The following RALYL variants were observed in gnomAD, a reference collection of about 807,000 sequenced individuals.
RALYL encodes RALY RNA binding protein like.
In RALYL, 29 loss-of-function variants were observed where a neutral mutation model predicts 35.1. The observed-to-expected ratio is 0.83, with a 90% CI of 0.61 to 1.13. The LOEUF (loss-of-function observed/expected upper bound fraction) is 1.13. RALYL is among the 50% of genes most tolerant of loss of function. The pLI is 0.00. For synonymous variants in RALYL, 120 were observed against 127.6 expected, an observed-to-expected ratio of 0.94 and a Z score of 0.40; for missense variants, 359 against 360.4, an observed-to-expected ratio of 1.00 and a Z score of 0.03.
At chr8:84,513,893 C>T (rs1910439) in intron 1 of RALYL, among the ~76,000 whole-genome samples, 54,565 of 151,234 alleles carry the variant, frequency 0.36, 10,012 homozygotes, top group South Asian at 0.51. Flanking sequence ...GTCAGGAGTT[C>T]GAGACTAGCC....
chr8:84,186,711 T>A (rs1411322554), intron 1 of RALYL, among the ~76,000 whole-genome samples: 2 of 152,188 alleles, frequency 1.3e-5, no homozygotes, highest in African/African-American at 4.8e-5. Context: ...TTCTGTAACT[T>A]AAGATCATTC....
intron 1 of RALYL, among the ~76,000 whole-genome samples, chr8:84,428,463 G>T (rs547025177): frequency 2.6e-5 from 4 of 152,028 alleles, no homozygotes; most frequent in Admixed American, 6.6e-5. Context: ...TATTTTTCTT[G>T]AGTAGGGTTG....
intron 2 of RALYL, among the ~76,000 whole-genome samples, chr8:84,721,849 C>T (rs1018663475): frequency 2.6e-5 from 4 of 152,116 alleles, no homozygotes; most frequent in African/African-American, 9.7e-5. Context: ...GGTCATATAA[C>T]ATAATGCACA....
chr8:84,432,376 G>A (rs1001898163), intron 1 of RALYL, among the ~76,000 whole-genome samples: 14 of 152,094 alleles, frequency 9.2e-5, no homozygotes, highest in African/African-American at 3.4e-4. Context: ...AGGAGTTGAG[G>A]GGAGGGGAGA....
intron 1 of RALYL, among the ~76,000 whole-genome samples, chr8:84,229,761 A>G (rs573132506): frequency 1.3e-5 from 2 of 152,322 alleles, no homozygotes; most frequent in East Asian, 1.9e-4. Context: ...CTTCTTGCCC[A>G]ATTTCTCATT....
intron 1 of RALYL, among the ~76,000 whole-genome samples, chr8:84,243,266 T>TTTG (rs928934847): frequency 3.9e-5 from 6 of 152,010 alleles, no homozygotes; most frequent in Non-Finnish European, 5.9e-5. Context: ...CCAGCGTGTT[T>TTTG]TTGTTGTTGT....
intron 1 of RALYL, among the ~76,000 whole-genome samples, chr8:84,395,067 A>G (rs1326581856): frequency 6.6e-6 from 1 of 151,908 alleles, no homozygotes; most frequent in Non-Finnish European, 1.5e-5. Flanking sequence ...AGAAGAAAAT[A>G]AATATTACCA....
At chr8:84,693,459 A>G (rs1004636859) in intron 2 of RALYL, among the ~76,000 whole-genome samples, 2 of 152,004 alleles carry the variant, frequency 1.3e-5, no homozygotes, top group African/African-American at 2.4e-5. Flanking sequence ...TAACTGCCCC[A>G]TGATTCAATT....
At chr8:84,889,819 C>A (rs1232573993) in intron 8 of RALYL, among the ~76,000 whole-genome samples, 1 of 152,056 alleles carries the variant, frequency 6.6e-6, no homozygotes, top group Non-Finnish European at 1.5e-5. Flanking sequence ...GTTATTAAAA[C>A]CAAAGACTAA....
chr8:84,626,200 A>G (rs965173716), intron 2 of RALYL, among the ~76,000 whole-genome samples: 7 of 152,198 alleles, frequency 4.6e-5, no homozygotes, highest in Admixed American at 1.3e-4. Context: ...GAGAACACTT[A>G]ATAAGAGCGG....
intron 1 of RALYL, among the ~76,000 whole-genome samples, chr8:84,511,185 A>C: frequency 6.6e-6 from 1 of 152,192 alleles, no homozygotes; most frequent in East Asian, 1.9e-4. Flanking sequence ...TACCATGGGA[A>C]ATAGCAAGCA....
intron 1 of RALYL, among the ~76,000 whole-genome samples, chr8:84,301,231 AT>A (rs1840717496): frequency 6.6e-6 from 1 of 151,942 alleles, no homozygotes. Flanking sequence ...CACTTGTAGG[AT>A]TCCTGATGAA....
chr8:84,438,361 G>GT (rs1233469543), intron 1 of RALYL, among the ~76,000 whole-genome samples: 1 of 150,082 alleles, frequency 6.7e-6, no homozygotes, highest in Non-Finnish European at 1.5e-5. Flanking sequence ...TGTTTTCTAG[G>GT]TTTTCTTCTA....
intron 2 of RALYL, among the ~76,000 whole-genome samples, chr8:84,720,172 A>G (rs1589186099): frequency 6.6e-6 from 1 of 152,120 alleles, no homozygotes; most frequent in Admixed American, 6.6e-5. Context: ...AAAAATGTGT[A>G]TGGAACCACA....
In RALYL at chr8:84,688,352, G is replaced by A. The variant is rs149876029; in HGVS notation, c.257-86227G>A. On this transcript the variant is annotated intron_variant, in intron 2 of 8. Coordinates refer to ENST00000521268, the MANE Select transcript of RALYL (RefSeq NM_173848.7). ...AATATACTACAATGTTGTAGTAATC[G>A]AAACAGCCTGATGCTGGCATAAAAA... Among the ~76,000 whole-genome samples, 9 of 152,054 alleles carry A rather than the reference G, an allele frequency of 5.9e-5. No individual in the cohort carries two copies. The East Asian group carries it at 1.2e-3, about 20-fold the overall frequency.
At chr8:84,874,110 G>A (rs983937084) in intron 7 of RALYL, among the ~76,000 whole-genome samples, 4 of 152,122 alleles carry the variant, frequency 2.6e-5, no homozygotes, top group African/African-American at 9.7e-5. Flanking sequence ...CGCCTCAGAA[G>A]CCTCCTTGGA....
chr8:84,839,326 G>A (rs1030162598), intron 4 of RALYL, among the ~76,000 whole-genome samples: 12 of 152,308 alleles, frequency 7.9e-5, no homozygotes, highest in East Asian at 7.7e-4. Flanking sequence ...ATTATATCCC[G>A]CACCTGGCTC....
At chr8:84,304,709 T>A (rs1256269072) in intron 1 of RALYL, among the ~76,000 whole-genome samples, 1 of 152,212 alleles carries the variant, frequency 6.6e-6, no homozygotes, top group African/African-American at 2.4e-5. Context: ...ATCTGTACAT[T>A]TTATTAGTTG....
At chr8:84,877,495 A>AATAT (rs141125949) in intron 7 of RALYL, among the ~76,000 whole-genome samples, 56 of 149,340 alleles carry the variant, frequency 3.7e-4, no homozygotes, top group Non-Finnish European at 6.3e-4. Context: ...AAAACAAATA[A>AATAT]ATATATATAT....
Sources: allele counts gnomAD v4.1 joint callset (sites outside exome capture counted in the v4.1 genomes callset), GRCh38; gene constraint gnomAD v4.1.1; transcripts MANE v1.5; gene names NCBI Gene and HGNC (gene_info 2026-07-23, HGNC 2026-07-21).